Variants in NT5DC3 observed in about 807,000 individuals in gnomAD.
NT5DC3 encodes the protein 5'-nucleotidase domain containing 3.
A neutral mutation model predicts 67.8 loss-of-function variants in NT5DC3; 42 were observed. The observed-to-expected ratio is 0.62, with a 90% CI of 0.48 to 0.80. NT5DC3 has a LOEUF of 0.80. NT5DC3 is among the 30% of genes least tolerant of loss of function. The pLI, the probability that NT5DC3 is intolerant of heterozygous loss-of-function variation, is 0.00. For synonymous variants in NT5DC3, 237 were observed against 255.6 expected (o/e 0.93, Z 0.69); for missense variants, 570 against 696.4 (o/e 0.82, Z 2.04).
the NT5DC3 span, among the ~76,000 whole-genome samples, chr12:103,751,769 C>CTA: frequency 6.6e-6 from 1 of 152,176 alleles, no homozygotes; most frequent in African/African-American, 2.4e-5. Context: ...CTACCCAGAC[C>CTA]ATAGAGTGTG....
chr12:103,787,360 C>T (rs1885834334), intron 11 of NT5DC3, 81 bp downstream of exon 11: 1 of 645,420 alleles, frequency 1.5e-6, no homozygotes, highest in Non-Finnish European at 2.5e-6. Context: ...ATAAAAGGTA[C>T]ATCCTTAAAT....
At chr12:103,823,923 C>T (rs1217359420) in intron 1 of NT5DC3, among the ~76,000 whole-genome samples, 1 of 152,222 alleles carries the variant, frequency 6.6e-6, no homozygotes, top group Non-Finnish European at 1.5e-5. Context: ...GTTTTATCTC[C>T]TAGTAACTTT....
chr12:103,817,295 AAC>A (rs1887304766), intron 1 of NT5DC3, among the ~76,000 whole-genome samples: 1 of 152,226 alleles, frequency 6.6e-6, no homozygotes, highest in African/African-American at 2.4e-5. Context: ...TAACAGGACA[AAC>A]ACAATCATCC....
chr12:103,817,822 T>A (rs1887327985), intron 1 of NT5DC3, among the ~76,000 whole-genome samples: 1 of 152,214 alleles, frequency 6.6e-6, no homozygotes, highest in Non-Finnish European at 1.5e-5. Flanking sequence ...AGTCAATCCA[T>A]CATTTCTGAG....
rs767633988 is a variant in NT5DC3 at position 103,815,022 on chromosome 12, T to A, written c.308A>T (p.Tyr103Phe). The A allele has an allele frequency of 1.2e-6, 2 of 1,613,888 alleles. No homozygotes were observed. Among genetic ancestry groups the A allele is most frequent in the Non-Finnish European group, 1.7e-6 (2 of 1,179,804 alleles). The change falls in exon 2 of 14, where the codon TAT (tyrosine) becomes TTT (phenylalanine). Residue 103 changes from tyrosine to phenylalanine, a missense_variant. Transcript: ENST00000392876. ...LSDIEIYGFD[Y>F]DYTLVFYSKH... The stretch of plus-strand genomic sequence containing the variant: ...TGAATAAAACACCAAGGTGTAATCA[T>A]AATCGAAGCCATAGATTTCAATGTC...
rs992142557 is a variant in NT5DC3 at position 103,793,932 on chromosome 12, C to T, written c.814+5G>A. ...ACTCTCTTCGTGATACTGCTGAGCACATACCAATGTCTGCTTCAATTGCTC... is the reference window on the plus strand; with the variant it reads ...ACTCTCTTCGTGATACTGCTGAGCATATACCAATGTCTGCTTCAATTGCTC... On this transcript the variant is annotated splice_donor_5th_base_variant and intron_variant, in intron 7 of 13. Coordinates refer to ENST00000392876, the MANE Select transcript of NT5DC3 (RefSeq NM_001031701.3). The T allele has an allele frequency of 1.2e-6, 2 of 1,606,860 alleles. No homozygotes were observed. Among genetic ancestry groups the T allele is most frequent in the African/African-American group, 1.3e-5 (1 of 74,884 alleles).
At chr12:103,761,780 C>T in the NT5DC3 span, among the ~76,000 whole-genome samples, 1 of 152,194 alleles carries the variant, frequency 6.6e-6, no homozygotes, top group South Asian at 2.1e-4. Flanking sequence ...TAATGCCTCC[C>T]TCCTGGGTTT....
chr12:103,840,981 T>A lies in NT5DC3; in HGVS notation c.176A>T (p.Glu59Val), dbSNP rs1329074925. ...TAPDMKRYLW[E>V]RYREAKRSTE... is the part of the protein sequence containing the mutation. ...GCTTCTCTTCGCCTCCCGGTAGCGC[T>A]CCCACAGGTAGCGCTTCATGTCCGG... Residue 59 changes from glutamate to valine, a missense_variant, in exon 1 of 14, where the codon GAG (glutamate) becomes GTG (valine). Transcript: ENST00000392876. The A allele has an allele frequency of 7.5e-7, 1 of 1,334,806 alleles. No individual in the cohort carries two copies. The highest frequency in any genetic ancestry group is 3.1e-5 in the East Asian group (1 of 32,348). The allele number at this position is 1,334,806 out of a possible 1,614,324, so 82.7% of individuals were successfully genotyped here. A position where few individuals can be genotyped will look rare whatever the true frequency, so the allele number is the denominator to read the frequency against.
chr12:103,808,151 G>A (rs35945096), intron 2 of NT5DC3, among the ~76,000 whole-genome samples: 39,087 of 151,998 alleles, frequency 0.26, 5,663 homozygotes, highest in East Asian at 0.59. Flanking sequence ...CCTGTGGATG[G>A]CACTGATCTG....
At chr12:103,766,698 A>G (rs1191547266), downstream of NT5DC3, 4 of 199,610 alleles carry the variant, frequency 2.0e-5, no homozygotes, top group African/African-American at 6.9e-5. Flanking sequence ...TGCACAATAA[A>G]GGTTTATGGA....
chr12:103,834,940 G>T (rs75036227), intron 1 of NT5DC3, among the ~76,000 whole-genome samples: 6 of 152,110 alleles, frequency 3.9e-5, no homozygotes, highest in African/African-American at 1.4e-4. Flanking sequence ...TGAATTCATC[G>T]GTACTTCTTC....
Position 103,777,876 on chromosome 12 carries a change from G to A in NT5DC3, c.1600C>T (p.Pro534Ser), listed in dbSNP as rs146838693. 138 of 1,614,148 alleles carry A rather than the reference G, an allele frequency of 8.5e-5. No homozygotes were observed. The African/African-American group carries it at 1.3e-3, about 16-fold the overall frequency. ...QHELPAWSER[P>S]PTFGTPLLQE... The stretch of plus-strand genomic sequence containing the variant: ...AGGAGAGGGGTTCCGAAGGTGGGGG[G>A]CCTTTCTGACCAGGCGGGCAGTTCG... Residue 534 changes from proline to serine, a missense_variant, in exon 14 of 14, where the codon CCC becomes TCC. Pro to Ser is a moderately conservative substitution (Grantham distance 74). Around this residue, in one of 2 missense-constraint regions of NT5DC3, gnomAD observed 466 missense variants for 608.0 expected, o/e 0.77. Transcript: ENST00000392876.
At chr12:103,816,967 C>CTTTTTTT (rs376622215) in intron 1 of NT5DC3, among the ~76,000 whole-genome samples, 35 of 118,826 alleles carry the variant, frequency 2.9e-4, no homozygotes, top group Non-Finnish European at 3.4e-4. Flanking sequence ...TTTCTTTTTT[C>CTTTTTTT]TTTTTTTTTT....
rs574243152 is a variant in NT5DC3 at position 103,798,764 on chromosome 12, T to C, written c.525-87A>G. The C allele has an allele frequency of 2.3e-4, 223 of 951,714 alleles. No homozygotes were observed. In the African/African-American group the frequency reaches 3.4e-3, roughly 14 times the overall value. The allele number at this position is 951,714 out of a possible 1,614,324, so 59.0% of individuals were successfully genotyped here. On this transcript the variant is annotated intron_variant, in intron 4 of 13. Transcript: ENST00000392876. ...CCTGTGCAGTGCTGGGATTTTTCAA[T>C]TGAGGTGCAAGGCACTGTCATCATG...
chr12:103,790,728 T>G (rs756637489), intron 9 of NT5DC3, among the ~76,000 whole-genome samples: 124 of 117,900 alleles, frequency 1.1e-3, no homozygotes, highest in Non-Finnish European at 1.7e-3. Context: ...TGAGATGGAG[T>G]CTCACTCTGT....
At chr12:103,797,067 G>A in intron 5 of NT5DC3, 36 bp from the exon 6 acceptor site, 1 of 1,612,654 alleles carries the variant, frequency 6.2e-7, no homozygotes, top group Non-Finnish European at 8.5e-7. Flanking sequence ...TTAGAAACAG[G>A]GGCCCACGCA....
chr12:103,797,159 G>A (rs1886355561), intron 5 of NT5DC3, 128 bp from the exon 6 acceptor site: 1 of 1,002,888 alleles, frequency 1.0e-6, no homozygotes. Flanking sequence ...CACAAAAAAG[G>A]AAAGTTCTAA....
At chr12:103,762,377 G>T in the NT5DC3 span, 1 of 1,614,226 alleles carries the variant, frequency 6.2e-7, no homozygotes, top group East Asian at 2.2e-5. Context: ...ATAAACCGGA[G>T]AACAATCGGC....
chr12:103,827,218 C>G (rs1188577719), intron 1 of NT5DC3, among the ~76,000 whole-genome samples: 1 of 152,042 alleles, frequency 6.6e-6, no homozygotes, highest in Non-Finnish European at 1.5e-5. Flanking sequence ...GCACTTCAGC[C>G]TGGGAGTCAG....
Sources: gnomAD v4.1 joint callset for allele counts (sites outside exome capture counted in the v4.1 genomes callset) on GRCh38, gnomAD v4.1.1 for gene constraint, gnomAD v4.1.1 regional missense constraint, MANE v1.5 for transcripts, NCBI Gene and HGNC (gene_info 2026-07-23, HGNC 2026-07-21) for gene names.